The following TRIO variants were observed in gnomAD, a reference collection of about 807,000 sequenced individuals.
The protein encoded by TRIO is trio Rho guanine nucleotide exchange factor.
Under a neutral mutation model 351.9 loss-of-function variants are expected in TRIO, and 58 were observed. The ratio of observed to expected loss-of-function variants is 0.16; its 90% CI spans 0.13 to 0.21. TRIO has a LOEUF of 0.21. Among genes scored for constraint, TRIO ranks in the 10% least tolerant of loss-of-function variants. The pLI is 1.00. For synonymous variants in TRIO, 1,758 were observed against 1,595.7 expected (o/e 1.10, Z -2.42); for missense variants, 3,201 against 4,027.8 (o/e 0.79, Z 5.56).
intron 8 of TRIO, among the ~76,000 whole-genome samples, chr5:14,309,978 C>G (rs985688156): frequency 6.6e-6 from 1 of 152,116 alleles, no homozygotes; most frequent in Non-Finnish European, 1.5e-5. Flanking sequence ...TCTTCCAAGA[C>G]GCAAGCACCT....
Position 14,487,804 on chromosome 5 carries a change from GC to G in TRIO, c.7177del (p.Arg2393GlyfsTer20). 1 of 1,414,468 alleles carries G rather than the reference GC, an allele frequency of 7.1e-7. No homozygotes were observed. The highest frequency in any genetic ancestry group is 1.5e-5 in the South Asian group (1 of 68,728). The allele number at this position is 1,414,468 out of a possible 1,614,324, so 87.6% of individuals were successfully genotyped here. On this transcript the variant is annotated frameshift_variant, in exon 48 of 57. Coordinates refer to ENST00000344204, the MANE Select transcript of TRIO (RefSeq NM_007118.4). LOFTEE classifies it high-confidence loss of function. Reference protein sequence around the residue: ...PEAGPSAPSRRPPGADAEGSE... With the variant: ...PEAGPSAPSRXPPGADAEGSE... ...AGGCCGGCCCCAGCGCGCCCAGCAG[GC>G]GGCCCCCCGGCGCGGACGCCGAGGG... is the stretch of plus-strand genomic sequence containing the variant.
chr5:14,314,859 A>C (rs1739243747), intron 8 of TRIO, among the ~76,000 whole-genome samples: 1 of 152,214 alleles, frequency 6.6e-6, no homozygotes, highest in African/African-American at 2.4e-5. Context: ...TTTTGTTTTA[A>C]CTGACACTAA....
chr5:14,303,205 TG>T (rs56903927), intron 7 of TRIO, among the ~76,000 whole-genome samples: 1 of 111,250 alleles, frequency 9.0e-6, no homozygotes, highest in South Asian at 2.8e-4. Context: ...ATCCTGGAGA[TG>T]GGGGGTGTCA....
At chr5:14,358,126 C>A (rs1743801492) in intron 11 of TRIO, 52 bp from the exon 12 acceptor site, 9 of 1,572,460 alleles carry the variant, frequency 5.7e-6, no homozygotes, top group Non-Finnish European at 7.8e-6. Context: ...GGGCGGCCCA[C>A]CTGGTGGTGC....
intron 1 of TRIO, among the ~76,000 whole-genome samples, chr5:14,225,369 C>T (rs181495359): frequency 1.3e-5 from 2 of 152,310 alleles, no homozygotes; most frequent in African/African-American, 4.8e-5. Context: ...ACACTCATTT[C>T]TTACTCCACC....
chr5:14,419,212 C>T (rs1749908078), intron 33 of TRIO, among the ~76,000 whole-genome samples: 1 of 152,002 alleles, frequency 6.6e-6, no homozygotes, highest in African/African-American at 2.4e-5. Context: ...GGGCAGAGGG[C>T]AGAGGGCCTC....
chr5:14,390,132 A>G, intron 25 of TRIO, 99 bp from the exon 26 acceptor site: 3 of 1,095,360 alleles, frequency 2.7e-6, no homozygotes, highest in Non-Finnish European at 4.0e-6. Flanking sequence ...TGTTTTGTTC[A>G]TTCTTTAGGG....
intron 33 of TRIO, among the ~76,000 whole-genome samples, chr5:14,419,559 G>T (rs1039587026): frequency 6.6e-6 from 1 of 152,118 alleles, no homozygotes; most frequent in Non-Finnish European, 1.5e-5. Context: ...ATACCACTTT[G>T]TGAGGAAGGA....
intron 34 of TRIO, among the ~76,000 whole-genome samples, chr5:14,428,866 C>T (rs960655657): frequency 3.9e-5 from 6 of 152,152 alleles, no homozygotes; most frequent in South Asian, 2.1e-4. Context: ...AAAAATGAGA[C>T]GGGCCCTGAG....
chr5:14,154,725 C>T (rs531122284), intron 1 of TRIO, among the ~76,000 whole-genome samples: 1 of 152,296 alleles, frequency 6.6e-6, no homozygotes, highest in South Asian at 2.1e-4. Context: ...TTCTGTGTGA[C>T]TCCACGTTTA....
chr5:14,467,547 G>A (rs1433480236), intron 37 of TRIO, among the ~76,000 whole-genome samples: 2 of 152,176 alleles, frequency 1.3e-5, no homozygotes, highest in African/African-American at 4.8e-5. Flanking sequence ...CTGGTGTGGT[G>A]GTTCATGCCT....
At chr5:14,380,344 T>C (rs1436553983) in intron 20 of TRIO, among the ~76,000 whole-genome samples, 24 of 147,948 alleles carry the variant, frequency 1.6e-4, no homozygotes, top group African/African-American at 5.4e-4. Context: ...CCTTCGCTCC[T>C]CGCTCCTCGC....
At chr5:14,146,725 C>T (rs1787544264) in intron 1 of TRIO, among the ~76,000 whole-genome samples, 1 of 152,220 alleles carries the variant, frequency 6.6e-6, no homozygotes, top group South Asian at 2.1e-4. Context: ...GACCTTGGGG[C>T]TGTTCCCCTT....
At position 14,260,396 on chromosome 5, in the gene TRIO, T is replaced by C. The variant is rs79197592; in HGVS notation, c.158-10429T>C. The stretch of plus-strand genomic sequence containing the variant: ...TTTTATTTTGTTTTAGAGTATAAGC[T>C]TCTTAAAATCAGGAACATGCCATTT... On this transcript the variant is annotated intron_variant, in intron 1 of 56. Transcript: ENST00000344204. Among the ~76,000 whole-genome samples the C allele has an allele frequency of 4.6e-4, 70 of 152,344 alleles. 3 individuals are homozygous for C. The East Asian group carries it at 0.013, about 29-fold the overall frequency.
intron 53 of TRIO, among the ~76,000 whole-genome samples, chr5:14,500,752 G>A (rs541781278): frequency 6.6e-6 from 1 of 152,090 alleles, no homozygotes; most frequent in African/African-American, 2.4e-5. Flanking sequence ...GCTGGGTGTG[G>A]TGGTGTGCGC....
At chr5:14,428,008 G>C (rs1415906926) in intron 34 of TRIO, among the ~76,000 whole-genome samples, 1 of 152,118 alleles carries the variant, frequency 6.6e-6, no homozygotes, top group African/African-American at 2.4e-5. Context: ...GCCCTTCTGA[G>C]GCCTCTAGCA....
chr5:14,300,759 G>A (rs975183233), intron 7 of TRIO, among the ~76,000 whole-genome samples: 14 of 152,152 alleles, frequency 9.2e-5, no homozygotes, highest in Non-Finnish European at 1.5e-5. Flanking sequence ...TAGAACTTTC[G>A]CTGAGGTCTA....
At chr5:14,333,742 T>C (rs1478985629) in intron 10 of TRIO, among the ~76,000 whole-genome samples, 1 of 152,198 alleles carries the variant, frequency 6.6e-6, no homozygotes, top group Non-Finnish European at 1.5e-5. Flanking sequence ...CTTTGCCTTC[T>C]AGTGGCTCTT....
intron 1 of TRIO, among the ~76,000 whole-genome samples, chr5:14,149,777 C>G (rs557588946): frequency 1.6e-3 from 241 of 152,254 alleles, no homozygotes; most frequent in Admixed American, 3.7e-3. Context: ...AGGCATCTTC[C>G]TATTTGGGCT....
Sources: gnomAD v4.1 joint callset for allele counts (sites outside exome capture counted in the v4.1 genomes callset) on GRCh38, gnomAD v4.1.1 for gene constraint, MANE v1.5 for transcripts, NCBI Gene and HGNC (gene_info 2026-07-23, HGNC 2026-07-21) for gene names.